FZD6: variants seen among roughly 807,000 people sequenced by gnomAD.
FZD6 encodes the protein frizzled class receptor 6, also known as frizzled-6.
Under a neutral mutation model 61.4 loss-of-function variants are expected in FZD6, and 49 were observed. That is an observed-to-expected ratio of 0.80 (90% CI 0.63 to 1.01). FZD6 has a LOEUF of 1.01. FZD6 is among the 50% of genes least tolerant of loss of function. FZD6 has a pLI of 0.00. For missense variants in FZD6, 724 were observed against 848.2 expected (o/e 0.85, Z 1.82); for synonymous variants, 265 against 292.2 (o/e 0.91, Z 0.95).
In FZD6 at chr8:103,316,168, A is replaced by G. The variant is rs373757917; in HGVS notation, c.178-2422A>G. Among the ~76,000 whole-genome samples the G allele has an allele frequency of 2.9e-4, 44 of 152,222 alleles. 1 individual carries two copies. Among genetic ancestry groups the G allele is most frequent in the African/African-American group, 1.1e-3 (44 of 41,526 alleles). ...CTTTGATTACATTTATTTTTTTAATACCCTCCCAACAATTAACACAGTAGT... is the reference window on the plus strand; with the variant it reads ...CTTTGATTACATTTATTTTTTTAATGCCCTCCCAACAATTAACACAGTAGT... On this transcript the variant is annotated intron_variant, in intron 2 of 6. Coordinates refer to ENST00000358755, the MANE Select transcript of FZD6 (RefSeq NM_003506.4).
At chr8:103,327,513 T>C (rs1170230420) in intron 4 of FZD6, among the ~76,000 whole-genome samples, 1 of 152,100 alleles carries the variant, frequency 6.6e-6, no homozygotes, top group Non-Finnish European at 1.5e-5. Flanking sequence ...GGAGAATTGC[T>C]TGAACGCGGG....
In FZD6 at chr8:103,332,484, G is replaced by A. The variant is rs572419216; in HGVS notation, c.*975G>A. The A allele has an allele frequency of 2.6e-5, 4 of 152,008 alleles. No homozygotes were observed. The highest frequency in any genetic ancestry group is 2.0e-4 in the Admixed American group (3 of 15,274). 9.4% of individuals were successfully genotyped at this position (152,008 alleles called of 1,614,324 possible). ...TCAGACATTTTGTAGAATTCATTTCGGCAGCTCACTAGGATTTTGCTGAAC... is the reference window on the plus strand; with the variant it reads ...TCAGACATTTTGTAGAATTCATTTCAGCAGCTCACTAGGATTTTGCTGAAC... On this transcript the variant is annotated 3_prime_UTR_variant, in exon 7 of 7. Coordinates refer to ENST00000358755, the MANE Select transcript of FZD6 (RefSeq NM_003506.4).
At chr8:103,303,014 G>C (rs1814216148) in intron 2 of FZD6, among the ~76,000 whole-genome samples, 1 of 152,142 alleles carries the variant, frequency 6.6e-6, no homozygotes, top group African/African-American at 2.4e-5. Context: ...CTAATCTTCA[G>C]TCTCTCTAGT....
rs80216383 is a variant in FZD6 at position 103,324,524 on chromosome 8, C to T, written c.418C>T (p.His140Tyr). ...DETVPVTFDPHTEFLGPQKKT... is the reference protein window; with the variant it reads ...DETVPVTFDPYTEFLGPQKKT... ...GACTGTTCCTGTAACTTTTGATCCA[C>T]ACACAGAATTTCTTGGTCCTCAGAA... is the stretch of plus-strand genomic sequence containing the variant. Residue 140 changes from histidine to tyrosine, a missense_variant, in exon 4 of 7, where the codon CAC becomes TAC. Physicochemically the swap from His to Tyr is moderately conservative, Grantham distance 83 (BLOSUM62 2). Coordinates refer to ENST00000358755, the MANE Select transcript of FZD6 (RefSeq NM_003506.4). The T allele has an allele frequency of 1.2e-3, 1,944 of 1,609,776 alleles. 16 individuals carry two copies. The African/African-American group carries it at 0.022, about 18-fold the overall frequency.
In FZD6 at chr8:103,299,945, T is replaced by C. The variant is rs1814104366; in HGVS notation, c.-152-11T>C. 2 of 604,436 alleles carry C rather than the reference T, an allele frequency of 3.3e-6. No homozygotes were observed. The highest frequency in any genetic ancestry group is 1.8e-5 in the African/African-American group (1 of 54,054). The allele number at this position is 604,436 out of a possible 1,614,324, so 37.4% of individuals were successfully genotyped here. On this transcript the variant is annotated splice_polypyrimidine_tract_variant and intron_variant, in intron 1 of 6. Coordinates refer to ENST00000358755, the MANE Select transcript of FZD6 (RefSeq NM_003506.4). The stretch of plus-strand genomic sequence containing the variant: ...AAATGTTGCTGATACACCCTCCTTT[T>C]GTTTTTACAGTAATTGACCCAGGAC...
rs367925897 is a variant in FZD6, at chr8:103,329,672, G to C, written c.1559G>C (p.Arg520Pro). The C allele has an allele frequency of 1.2e-6, 2 of 1,609,150 alleles. No individual in the cohort carries two copies. The highest frequency in any genetic ancestry group is 1.7e-6 in the Non-Finnish European group (2 of 1,175,952). The change falls in exon 6 of 7, where the codon CGA becomes CCA. Residue 520 changes from arginine (R) to proline (P), a missense_variant. Arg to Pro is a moderately radical substitution (Grantham distance 103). Transcript: ENST00000358755. ...TCTTATAGTCCAATCAGTGAAAGTC[G>C]AAGAGTACTACAGGAATCATGTGAG... ...NRKRDPISES[R>P]RVLQESCEFF...
chr8:103,320,553 T>C (rs1386170610), intron 3 of FZD6, among the ~76,000 whole-genome samples: 3 of 151,928 alleles, frequency 2.0e-5, no homozygotes. Context: ...AATGAACTAA[T>C]GTATGGAGAC....
chr8:103,322,556 C>T (rs536217899), intron 3 of FZD6, among the ~76,000 whole-genome samples: 2 of 152,216 alleles, frequency 1.3e-5, no homozygotes, highest in African/African-American at 4.8e-5. Context: ...ATGAATGTAT[C>T]CATTCACTGA....
In FZD6 at chr8:103,300,040, G is replaced by T; in HGVS notation, c.-68G>T. 1 of 921,984 alleles carries T rather than the reference G, an allele frequency of 1.1e-6. No individual in the cohort carries two copies. Among genetic ancestry groups the T allele is most frequent in the Admixed American group, 1.7e-5 (1 of 57,384 alleles). The allele number at this position is 921,984 out of a possible 1,614,324, so 57.1% of individuals were successfully genotyped here. A position where few individuals can be genotyped will look rare whatever the true frequency, so the allele number is the denominator to read the frequency against. ...GAATTTGAACATTTTATCTTTGGAT[G>T]GGGATCTTCTGAGGATGCAAAGAGT... On this transcript the variant is annotated 5_prime_UTR_variant, in exon 2 of 7. It removes an upstream start codon present in the reference 5' UTR. Transcript: ENST00000358755.
At chr8:103,315,437 G>A (rs1013452281) in intron 2 of FZD6, among the ~76,000 whole-genome samples, 1 of 152,180 alleles carries the variant, frequency 6.6e-6, no homozygotes, top group Non-Finnish European at 1.5e-5. Context: ...TAAAAGGAAT[G>A]AACTACTGAT....
At chr8:103,300,985 A>G (rs1814152923) in intron 2 of FZD6, among the ~76,000 whole-genome samples, 1 of 152,158 alleles carries the variant, frequency 6.6e-6, no homozygotes, top group African/African-American at 2.4e-5. Context: ...GCCTTCCCAT[A>G]CAGATTTGTT....
At chr8:103,317,907 G>C (rs777901228) in intron 2 of FZD6, among the ~76,000 whole-genome samples, 1 of 152,058 alleles carries the variant, frequency 6.6e-6, no homozygotes, top group Non-Finnish European at 1.5e-5. Flanking sequence ...TTGGTAAATG[G>C]TGGCATTATT....
chr8:103,312,439 G>T (rs941406378), intron 2 of FZD6, among the ~76,000 whole-genome samples: 4 of 152,138 alleles, frequency 2.6e-5, no homozygotes, highest in African/African-American at 9.7e-5. Flanking sequence ...GATGCGACCA[G>T]GTTTGATATT....
Position 103,329,990 on chromosome 8 carries a change from C to T in FZD6, c.1877C>T (p.Ser626Phe). Residue 626 changes from serine to phenylalanine, a missense_variant, in exon 6 of 7, where the codon TCC (serine) becomes TTC (phenylalanine). By Grantham distance (155) the Ser-to-Phe change is radical (BLOSUM62 -2). Transcript: ENST00000358755. ...GEPASPAASI[S>F]RLSGEQVDGK... ...CCTGCCTCGCCAGCAGCATCCATCT[C>T]CAGACTCTCTGGGGAACAGGTCGAC... 6.2e-7 allele frequency: 1 copy of T among 1,614,068 alleles called. No individual in the cohort carries two copies. Among genetic ancestry groups the T allele is most frequent in the Non-Finnish European group, 8.5e-7 (1 of 1,179,958 alleles).
chr8:103,317,450 G>A (rs1207357177), intron 2 of FZD6, among the ~76,000 whole-genome samples: 2 of 152,230 alleles, frequency 1.3e-5, no homozygotes, highest in Admixed American at 6.5e-5. Context: ...GGGAAGTAGT[G>A]AGACCTGTTA....
chr8:103,305,455 C>T (rs146146659), intron 2 of FZD6, among the ~76,000 whole-genome samples: 113 of 152,284 alleles, frequency 7.4e-4, no homozygotes, highest in African/African-American at 2.7e-3. Context: ...TGTATAGTGG[C>T]TTTTAAGCAT....
rs1814696126 is a variant in FZD6, at chr8:103,318,596, C to A, written c.184C>A (p.Leu62Ile). 1 of 1,592,268 alleles carries A rather than the reference C, an allele frequency of 6.3e-7. No individual in the cohort carries two copies. Among genetic ancestry groups the A allele is most frequent in the East Asian group, 2.2e-5 (1 of 44,750 alleles). ...ATCTTGATGTCTTTAATAGCATTTT[C>A]TTCCTCTCGCAAATCTGGAATGTTC... Reference protein sequence around the residue: ...SIAAVEMEHFLPLANLECSPN... With the variant: ...SIAAVEMEHFIPLANLECSPN... Residue 62 changes from leucine (L) to isoleucine (I), a missense_variant, in exon 3 of 7, where the codon CTT becomes ATT. By Grantham distance (5) the Leu-to-Ile change is conservative. Coordinates refer to ENST00000358755, the MANE Select transcript of FZD6 (RefSeq NM_003506.4).
At chr8:103,317,971 T>C (rs926367420) in intron 2 of FZD6, among the ~76,000 whole-genome samples, 3 of 151,962 alleles carry the variant, frequency 2.0e-5, no homozygotes, top group Non-Finnish European at 4.4e-5. Context: ...TACGGTGGGA[T>C]TGAGTTGTAT....
chr8:103,325,464 A>G lies in FZD6; in HGVS notation c.1358A>G (p.His453Arg). 3 of 1,613,530 alleles carry G rather than the reference A, an allele frequency of 1.9e-6. No individual in the cohort carries two copies. The highest frequency in any genetic ancestry group is 2.5e-6 in the Non-Finnish European group (3 of 1,179,448). Residue 453 changes from histidine to arginine, a missense_variant, in exon 4 of 7, where the codon CAT (histidine) becomes CGT (arginine). Coordinates refer to ENST00000358755, the MANE Select transcript of FZD6 (RefSeq NM_003506.4). ...ITWEITWVSD[H>R]CRQYHIPCPY... Reference sequence around the variant, plus strand: ...TGGGAGATAACTTGGGTCTCTGATCATTGTCGTCAGTACCATATCCCATGT... The same window carrying G: ...TGGGAGATAACTTGGGTCTCTGATCGTTGTCGTCAGTACCATATCCCATGT...
Sources: allele counts gnomAD v4.1 joint callset (sites outside exome capture counted in the v4.1 genomes callset), GRCh38; gene constraint gnomAD v4.1.1; transcripts MANE v1.5; gene names NCBI Gene and HGNC (gene_info 2026-07-23, HGNC 2026-07-21).